Variants in FGF13 observed in about 807,000 individuals in gnomAD.
FGF13 encodes the protein fibroblast growth factor 13.
In FGF13, 2 loss-of-function variants were observed where a neutral mutation model predicts 19.5. That is an observed-to-expected ratio of 0.10 (90% confidence interval 0.04 to 0.32). FGF13 has a LOEUF of 0.32. Among genes scored for constraint, FGF13 ranks in the 10% least tolerant of loss-of-function variants. FGF13 has a pLI of 1.00. For missense variants in FGF13, 113 were observed against 192.7 expected (o/e 0.59, Z 2.45); for synonymous variants, 72 against 76.9 (o/e 0.94, Z 0.33).
intron 1 of FGF13, among the ~76,000 whole-genome samples, chrX:139,085,932 T>G (rs985726723): frequency 8.9e-6 from 1 of 112,492 alleles, no homozygotes; most frequent in African/African-American, 3.2e-5. Flanking sequence ...ATTTTTTACC[T>G]TGTAAATAAA....
chrX:139,011,346 T>TAACA (rs1216184501), intron 1 of FGF13, among the ~76,000 whole-genome samples: 5 of 81,659 alleles, frequency 6.1e-5, no homozygotes, highest in Non-Finnish European at 9.2e-5. Context: ...GGGAAGGACC[T>TAACA]AACAAACAAA....
chrX:138,661,826 G>C (rs2089493494), intron 3 of FGF13, among the ~76,000 whole-genome samples: 1 of 111,410 alleles, frequency 9.0e-6, no homozygotes. Flanking sequence ...TGATAATTGG[G>C]ATATAATGAG....
intron 1 of FGF13, among the ~76,000 whole-genome samples, chrX:138,963,782 T>C (rs542441089): frequency 8.9e-6 from 1 of 112,104 alleles, no homozygotes; most frequent in African/African-American, 3.2e-5. Flanking sequence ...GTCCTATTTC[T>C]AAGCATCCTA....
chrX:139,031,728 C>G (rs765380563), intron 1 of FGF13, among the ~76,000 whole-genome samples: 308 of 106,841 alleles, frequency 2.9e-3, no homozygotes, highest in African/African-American at 9.9e-3. Context: ...AAAAAAAAAC[C>G]AAACAAACAT....
chrX:138,719,084 CA>C (rs2090129953), intron 1 of FGF13, among the ~76,000 whole-genome samples: 1 of 112,006 alleles, frequency 8.9e-6, no homozygotes, highest in South Asian at 3.7e-4. Flanking sequence ...GATCCTGAGC[CA>C]AAAAGCACAT....
At chrX:138,791,064 T>C (rs960850621) in intron 3 of FGF13, among the ~76,000 whole-genome samples, 1 of 112,308 alleles carries the variant, frequency 8.9e-6, no homozygotes, top group African/African-American at 3.2e-5. Context: ...ATACAACTAC[T>C]ATGTACAGAT....
chrX:138,702,965 C>T lies in FGF13; in HGVS notation c.402+19G>A. ...TGAAAACTAGAATAGTCAAAACATG[C>T]ACACAGTCAAAAGCTTACCGAGGTG... On this transcript the variant is annotated intron_variant, in intron 3 of 4. Transcript: ENST00000315930. 8.1e-6 allele frequency: 9 copies of T among 1,115,446 alleles called. No homozygotes were observed. Among genetic ancestry groups the T allele is most frequent in the Non-Finnish European group, 9.9e-6 (8 of 808,300 alleles). The allele number at this position is 1,115,446 out of a possible 1,213,427, so 91.9% of individuals were successfully genotyped here.
At chrX:138,695,819 T>C (rs749571130) in intron 3 of FGF13, among the ~76,000 whole-genome samples, 1 of 112,240 alleles carries the variant, frequency 8.9e-6, no homozygotes, top group Non-Finnish European at 1.9e-5. Context: ...ACAGCATGCA[T>C]TAATCAAGGC....
chrX:138,939,847 C>T (rs1188591776), intron 1 of FGF13, among the ~76,000 whole-genome samples: 2 of 111,834 alleles, frequency 1.8e-5, no homozygotes, highest in Non-Finnish European at 3.8e-5. Context: ...GATTCCATGT[C>T]TTTGCTCTTG....
chrX:138,934,024 T>A (rs1448947396), intron 1 of FGF13, among the ~76,000 whole-genome samples: 1 of 112,405 alleles, frequency 8.9e-6, no homozygotes, highest in African/African-American at 3.2e-5. Context: ...TCTTCTATAA[T>A]CAACAGATAC....
intron 1 of FGF13, among the ~76,000 whole-genome samples, chrX:139,032,977 C>T (rs1054131323): frequency 1.4e-4 from 14 of 99,412 alleles, no homozygotes; most frequent in East Asian, 1.3e-3. Context: ...GCTCTCCTTT[C>T]CTGGCCTGGT....
intron 1 of FGF13, among the ~76,000 whole-genome samples, chrX:138,865,649 A>C (rs1210907351): frequency 9.0e-6 from 1 of 110,828 alleles, no homozygotes; most frequent in Non-Finnish European, 1.9e-5. Flanking sequence ...ACGTCTCTAC[A>C]CAGAAGCCCT....
chrX:138,658,914 A>G (rs2089462497), intron 3 of FGF13, among the ~76,000 whole-genome samples: 1 of 112,145 alleles, frequency 8.9e-6, no homozygotes, highest in Non-Finnish European at 1.9e-5. Flanking sequence ...CTATTCTGAC[A>G]AATACCTCAA....
chrX:139,032,470 C>T (rs766521895), intron 1 of FGF13, among the ~76,000 whole-genome samples: 1 of 111,722 alleles, frequency 9.0e-6, no homozygotes, highest in South Asian at 3.8e-4. Context: ...ATACTTCTAG[C>T]ACTATGCCTC....
intron 3 of FGF13, among the ~76,000 whole-genome samples, chrX:138,843,516 A>T (rs1464099229): frequency 9.0e-6 from 1 of 111,360 alleles, no homozygotes; most frequent in African/African-American, 3.3e-5. Flanking sequence ...TTCTTTCTAC[A>T]TTTTTTTTAT....
intron 1 of FGF13, among the ~76,000 whole-genome samples, chrX:139,164,451 T>C (rs1184551697): frequency 9.0e-6 from 1 of 111,281 alleles, no homozygotes; most frequent in Non-Finnish European, 1.9e-5. Context: ...TCTGCACTTT[T>C]AGAGCCCAGG....
intron 1 of FGF13, among the ~76,000 whole-genome samples, chrX:139,138,032 C>A (rs1370409633): frequency 8.9e-6 from 1 of 112,140 alleles, no homozygotes; most frequent in Non-Finnish European, 1.9e-5. Context: ...TTTGTCAATG[C>A]AAAGTTGAAA....
upstream of FGF13, chrX:139,204,091 G>T: frequency 8.3e-7 from 1 of 1,210,959 alleles, no homozygotes; most frequent in Non-Finnish European, 1.1e-6. Flanking sequence ...TTTGGGCTTG[G>T]TCACCTTTCC....
At chrX:139,178,215 G>A (rs1603231942) in intron 1 of FGF13, among the ~76,000 whole-genome samples, 2 of 112,351 alleles carry the variant, frequency 1.8e-5, no homozygotes, top group East Asian at 5.6e-4. Flanking sequence ...AAGATCAATG[G>A]AAATTACTTC....
Sources: allele counts gnomAD v4.1 joint callset (sites outside exome capture counted in the v4.1 genomes callset), GRCh38; gene constraint gnomAD v4.1.1; transcripts MANE v1.5; gene names NCBI Gene and HGNC (gene_info 2026-07-23, HGNC 2026-07-21).